FLII: variants seen among roughly 807,000 people sequenced by gnomAD.
FLII encodes the protein protein flightless-1 homolog.
Under a neutral mutation model 156.2 loss-of-function variants are expected in FLII, and 101 were observed. That is an observed-to-expected ratio of 0.65 (90% CI 0.55 to 0.76). The LOEUF (loss-of-function observed/expected upper bound fraction) is 0.76. FLII is among the 30% of genes least tolerant of loss of function. The pLI, the probability that FLII is intolerant of heterozygous loss-of-function variation, is 0.00. For missense variants in FLII, 1,675 were observed against 1,682.8 expected (o/e 1.00, Z 0.08); for synonymous variants, 767 against 685.8 (o/e 1.12, Z -1.85).
intron 14 of FLII, among the ~76,000 whole-genome samples, chr17:18,249,956 TA>T (rs1169639136): frequency 6.8e-6 from 1 of 147,296 alleles, no homozygotes; most frequent in South Asian, 2.2e-4. Flanking sequence ...CCATCACTAC[TA>T]AAAAAATACA....
chr17:18,244,892 T>C lies in FLII; in HGVS notation c.*246A>G. 1.9e-6 allele frequency: 1 copy of C among 513,830 alleles called. No homozygotes were observed. Among genetic ancestry groups the C allele is most frequent in the South Asian group, 3.6e-5 (1 of 27,970 alleles). 31.8% of individuals were successfully genotyped at this position (513,830 alleles called of 1,614,324 possible). A position where few individuals can be genotyped will look rare whatever the true frequency, so the allele number is the denominator to read the frequency against. On this transcript the variant is annotated 3_prime_UTR_variant, in exon 30 of 30. Transcript: ENST00000327031. Reference sequence around the variant, plus strand: ...TCTCTTAAAGGGCATCCACATCTGCTTTATCCCTAGCGGAAGAGTGAGGGG... The same window carrying C: ...TCTCTTAAAGGGCATCCACATCTGCCTTATCCCTAGCGGAAGAGTGAGGGG...
chr17:18,245,286 A>G lies in FLII; in HGVS notation c.3676-14T>C, dbSNP rs1344793470. ...CTGGATATATACCTGGCAAGGGGACAGCGAGCCTTGGGTGATGACCCTGCC... is the reference window on the plus strand; with the variant it reads ...CTGGATATATACCTGGCAAGGGGACGGCGAGCCTTGGGTGATGACCCTGCC... On this transcript the variant is annotated splice_polypyrimidine_tract_variant and intron_variant, in intron 29 of 29. Coordinates refer to ENST00000327031, the MANE Select transcript of FLII (RefSeq NM_002018.4). 1 of 1,612,336 alleles carries G rather than the reference A, an allele frequency of 6.2e-7. No homozygotes were observed. Among genetic ancestry groups the G allele is most frequent in the Non-Finnish European group, 8.5e-7 (1 of 1,178,628 alleles).
chr17:18,247,166 C>T lies in FLII; in HGVS notation c.2676+3G>A, dbSNP rs758272453. The T allele has an allele frequency of 5.8e-6, 9 of 1,555,032 alleles. No individual in the cohort carries two copies. Among genetic ancestry groups the T allele is most frequent in the Non-Finnish European group, 6.0e-6 (7 of 1,158,084 alleles). Reference sequence around the variant, plus strand: ...CGCGCCCCGGTCCCGGCCCTGCCCCCACCTCGGCCAGCGACATGGGCGGCT... The same window carrying T: ...CGCGCCCCGGTCCCGGCCCTGCCCCTACCTCGGCCAGCGACATGGGCGGCT... On this transcript the variant is annotated splice_donor_region_variant and intron_variant, in intron 21 of 29. Coordinates refer to ENST00000327031, the MANE Select transcript of FLII (RefSeq NM_002018.4).
chr17:18,248,858 G>C lies in FLII; in HGVS notation c.1960C>G (p.Leu654Val). 1 of 1,613,984 alleles carries C rather than the reference G, an allele frequency of 6.2e-7. No individual in the cohort carries two copies. The highest frequency in any genetic ancestry group is 8.5e-7 in the Non-Finnish European group (1 of 1,179,936). Residue 654 changes from leucine (L) to valine (V), a missense_variant, in exon 17 of 30, where the codon CTA becomes GTA. Around this residue, in one of 2 missense-constraint regions of FLII, gnomAD observed 1,332 missense variants for 1,269.3 expected, o/e 1.05. Transcript: ENST00000327031. ...PRFVFLLDRG[L>V]DIYVWRGAQA... ...GCCCCCCGCCATACGTAGATGTCTA[G>C]CCCTCGGTCCAGCAGGAAAACAAAC...
intron 9 of FLII, 49 bp from the exon 10 acceptor site, chr17:18,252,605 G>A: frequency 1.3e-6 from 2 of 1,503,968 alleles, no homozygotes; most frequent in Non-Finnish European, 1.9e-6. Flanking sequence ...CAGACAAGGG[G>A]AAGTGGGCAA....
In FLII at chr17:18,251,289, C is replaced by G; in HGVS notation, c.1572G>C (p.Glu524Asp). The G allele has an allele frequency of 1.2e-6, 2 of 1,614,028 alleles. No individual in the cohort carries two copies. Among genetic ancestry groups the G allele is most frequent in the Non-Finnish European group, 1.7e-6 (2 of 1,180,034 alleles). Residue 524 changes from glutamate to aspartate, a missense_variant, in exon 13 of 30, where the codon GAG becomes GAC. Physicochemically the swap from Glu to Asp is conservative, Grantham distance 45 (BLOSUM62 2). Around this residue, in one of 2 missense-constraint regions of FLII, gnomAD observed 1,332 missense variants for 1,269.3 expected, o/e 1.05. Coordinates refer to ENST00000327031, the MANE Select transcript of FLII (RefSeq NM_002018.4). The part of the protein sequence containing the change: ...VEEAFHGKFY[E>D]ADCYIVLKTF... ...CCTTGAGCACAATGTAGCAGTCAGC[C>G]TCGTAGAACTTGCCGTGGAAGGCTT... is the stretch of plus-strand genomic sequence containing the variant.
intron 27 of FLII, 26 bp from the exon 28 acceptor site, chr17:18,245,686 C>T: frequency 1.2e-6 from 2 of 1,612,312 alleles, no homozygotes; most frequent in Non-Finnish European, 1.7e-6. Context: ...CAAGGTGAGG[C>T]CAGAGGTCAT....
chr17:18,256,832 T>A, intron 2 of FLII, 77 bp downstream of exon 2: 1 of 979,288 alleles, frequency 1.0e-6, no homozygotes, highest in Non-Finnish European at 1.6e-6. Flanking sequence ...TCTGGAGAAG[T>A]TGTCTGCCTT....
intron 9 of FLII, among the ~76,000 whole-genome samples, chr17:18,252,796 C>A (rs998000607): frequency 6.6e-6 from 1 of 152,182 alleles, no homozygotes; most frequent in Admixed American, 6.5e-5. Flanking sequence ...CTAACAGTGC[C>A]CCCCGAAGGG....
intron 21 of FLII, 48 bp downstream of exon 21, chr17:18,247,121 C>CGGGGGGGGCG: frequency 7.2e-7 from 1 of 1,398,096 alleles, no homozygotes. Context: ...CGCCCTCGGC[C>CGGGGGGGGCG]TGCCCCCCAC....
At chr17:18,253,806 C>T in intron 7 of FLII, 87 bp from the exon 8 acceptor site, 2 of 1,310,870 alleles carry the variant, frequency 1.5e-6, no homozygotes, top group South Asian at 2.8e-5. Flanking sequence ...AGCTCTGCCA[C>T]CTCTGAGCTG....
Position 18,254,611 on chromosome 17 carries a change from C to T in FLII, c.485G>A (p.Arg162His), listed in dbSNP as rs755561718. Residue 162 changes from arginine (R) to histidine (H), a missense_variant, in exon 6 of 30, where the codon CGC (arginine) becomes CAC (histidine). Physicochemically the swap from Arg to His is conservative, Grantham distance 29 (BLOSUM62 0). This residue lies in a region of FLII where 343 missense variants were observed against 413.5 expected (regional missense o/e 0.83). Coordinates refer to ENST00000327031, the MANE Select transcript of FLII (RefSeq NM_002018.4). ...DLLYLDLSENRLESLPPQMRR... is the reference protein window; with the variant it reads ...DLLYLDLSENHLESLPPQMRR... ...CATCTGCGGGGGCAGGCTCTCCAGG[C>T]GGTTCTCGCTGAGGTCCAGGTATAG... 3.7e-6 allele frequency: 6 copies of T among 1,613,922 alleles called. No individual in the cohort carries two copies. Among genetic ancestry groups the T allele is most frequent in the South Asian group, 2.2e-5 (2 of 91,078 alleles).
chr17:18,248,252 A>G (rs1272306120), intron 18 of FLII, among the ~76,000 whole-genome samples: 1 of 152,124 alleles, frequency 6.6e-6, no homozygotes, highest in Non-Finnish European at 1.5e-5. Flanking sequence ...GCCATTTCTA[A>G]TTAACGTGTC....
chr17:18,247,694 G>C lies in FLII; in HGVS notation c.2450C>G (p.Ala817Gly), dbSNP rs985005291. 5.0e-6 allele frequency: 8 copies of C among 1,599,242 alleles called. No individual in the cohort carries two copies. Among genetic ancestry groups the C allele is most frequent in the Admixed American group, 3.4e-5 (2 of 59,660 alleles). Residue 817 changes from alanine (A) to glycine (G), a missense_variant, in exon 20 of 30, where the codon GCC becomes GGC. Coordinates refer to ENST00000327031, the MANE Select transcript of FLII (RefSeq NM_002018.4). Reference protein sequence around the residue: ...LCGMLHRPRHATVSRSLEGTE... With the variant: ...LCGMLHRPRHGTVSRSLEGTE... The stretch of plus-strand genomic sequence containing the variant: ...GCCCTCGAGGCTGCGGCTGACCGTG[G>C]CATGGCGTGGCCGGTGCAGCATCCC...
In FLII at chr17:18,254,502, G is replaced by A. The variant is rs201663452; in HGVS notation, c.575+19C>T. On this transcript the variant is annotated intron_variant, in intron 6 of 29. Coordinates refer to ENST00000327031, the MANE Select transcript of FLII (RefSeq NM_002018.4). ...CTCAGGGTGGCTTCTGCAGGAGTGCGGTCCGAGGGGGCGCCCACCGGAGCT... is the reference window on the plus strand; with the variant it reads ...CTCAGGGTGGCTTCTGCAGGAGTGCAGTCCGAGGGGGCGCCCACCGGAGCT... 227 of 1,593,070 alleles carry A rather than the reference G, an allele frequency of 1.4e-4. No homozygotes were observed. The African/African-American group carries it at 1.6e-3, about 11-fold the overall frequency.
chr17:18,250,694 G>A (rs536713481), intron 14 of FLII, 144 bp downstream of exon 14: 27 of 855,284 alleles, frequency 3.2e-5, no homozygotes, highest in African/African-American at 1.9e-4. Flanking sequence ...CTTAGGTCCC[G>A]CACAGTATCG....
chr17:18,258,779 C>T, upstream of FLII: 1 of 961,452 alleles, frequency 1.0e-6, no homozygotes, highest in Non-Finnish European at 1.3e-6. This position sits in a 1 kb window ranked among gnomAD's most constrained non-coding sequence, Gnocchi z 4.2. Context: ...CAGCGCCGGC[C>T]CCGCCCCTTT....
At chr17:18,253,811 G>A (rs894394424) in intron 7 of FLII, 92 bp from the exon 8 acceptor site, 1 of 1,287,998 alleles carries the variant, frequency 7.8e-7, no homozygotes, top group Non-Finnish European at 1.1e-6. Context: ...TGCCACCTCT[G>A]AGCTGTGTGG....
At chr17:18,253,502 A>T in intron 8 of FLII, 42 bp downstream of exon 8, 1 of 1,613,258 alleles carries the variant, frequency 6.2e-7, no homozygotes, top group Non-Finnish European at 8.5e-7. Flanking sequence ...GGCCAGGCTC[A>T]CGGCCTTCCT....
Sources: allele counts gnomAD v4.1 joint callset (sites outside exome capture counted in the v4.1 genomes callset), GRCh38; gene constraint gnomAD v4.1.1; regional missense constraint gnomAD v4.1.1; non-coding constraint Gnocchi (gnomAD v3.1); transcripts MANE v1.5; gene names NCBI Gene and HGNC (gene_info 2026-07-23, HGNC 2026-07-21).